Variants in ABCC1 observed in about 807,000 individuals in gnomAD.
The protein encoded by ABCC1 is ATP binding cassette subfamily C member 1 (ABCC1 blood group).
ABCC1 carries 83 observed loss-of-function variants against 172.9 expected under a neutral mutation model. The ratio of observed to expected loss-of-function variants is 0.48; its 90% CI spans 0.40 to 0.58. The LOEUF is 0.58. ABCC1 is among the 20% of genes least tolerant of loss of function. The probability of loss-of-function intolerance (pLI) is 0.00; values close to 1 mark genes in which losing one functional copy is unlikely to be tolerated. For synonymous variants in ABCC1, 937 were observed against 825.2 expected (o/e 1.14, Z -2.32); for missense variants, 1,817 against 2,002.7 (o/e 0.91, Z 1.77).
chr16:16,078,624 G>T (rs45596332), intron 15 of ABCC1, among the ~76,000 whole-genome samples: 2 of 152,010 alleles, frequency 1.3e-5, no homozygotes, highest in South Asian at 4.2e-4. Context: ...ACCTTTCTCC[G>T]GCTCTCCACA....
intron 26 of ABCC1, among the ~76,000 whole-genome samples, chr16:16,126,628 G>C (rs1238902283): frequency 6.6e-6 from 1 of 152,010 alleles, no homozygotes; most frequent in Non-Finnish European, 1.5e-5. Flanking sequence ...CAGGTGATCC[G>C]CCTGCCTCAG....
chr16:16,036,019 G>T (rs766710957), intron 6 of ABCC1, among the ~76,000 whole-genome samples: 1 of 151,924 alleles, frequency 6.6e-6, no homozygotes, highest in Admixed American at 6.6e-5. Context: ...AGCTACTCGG[G>T]AGGTTGAGAT....
intron 27 of ABCC1, among the ~76,000 whole-genome samples, chr16:16,133,275 T>C (rs2045774318): frequency 6.6e-6 from 1 of 152,236 alleles, no homozygotes; most frequent in African/African-American, 2.4e-5. Context: ...GAACTGTTCC[T>C]ACGTACCTCC....
intron 1 of ABCC1, among the ~76,000 whole-genome samples, chr16:15,975,210 C>G (rs1331170502): frequency 1.3e-5 from 2 of 152,216 alleles, no homozygotes; most frequent in Non-Finnish European, 2.9e-5. Context: ...ATGGCTAGTG[C>G]TACCTGCTAC....
At chr16:16,024,613 A>G (rs531423024) in intron 5 of ABCC1, among the ~76,000 whole-genome samples, 1 of 152,242 alleles carries the variant, frequency 6.6e-6, no homozygotes, top group Admixed American at 6.5e-5. Context: ...TGGCCTCCCA[A>G]AATGCTAGGA....
At chr16:16,134,016 T>C (rs2045811688) in intron 27 of ABCC1, among the ~76,000 whole-genome samples, 1 of 152,194 alleles carries the variant, frequency 6.6e-6, no homozygotes, top group Non-Finnish European at 1.5e-5. Flanking sequence ...AGGAAATGCC[T>C]GATTATTACT....
chr16:16,008,413 C>T (rs1013355545), intron 2 of ABCC1, among the ~76,000 whole-genome samples: 1 of 151,592 alleles, frequency 6.6e-6, no homozygotes, highest in Admixed American at 6.6e-5. Flanking sequence ...CTGTGTTGCC[C>T]GGGCTGGTCT....
chr16:16,112,600 A>T (rs2044666220), intron 22 of ABCC1, among the ~76,000 whole-genome samples: 1 of 152,160 alleles, frequency 6.6e-6, no homozygotes, highest in South Asian at 2.1e-4. Context: ...AGGCCCGGAG[A>T]GGTTGAGTCA....
In ABCC1 at chr16:16,136,464, T is replaced by C. The variant is rs757274889; in HGVS notation, c.4126-14T>C. The stretch of plus-strand genomic sequence containing the variant: ...CAGGTGTCACATGCCGTCCACTCTC[T>C]TCTCTCTGAACAGGACCCTGTTTTG... On this transcript the variant is annotated splice_polypyrimidine_tract_variant and intron_variant, in intron 28 of 30. Coordinates refer to ENST00000399410, the MANE Select transcript of ABCC1 (RefSeq NM_004996.4). The C allele has an allele frequency of 1.9e-6, 3 of 1,613,640 alleles. No homozygotes were observed. Among genetic ancestry groups the C allele is most frequent in the South Asian group, 1.1e-5 (1 of 91,024 alleles).
chr16:16,071,471 G>A (rs1467494078), intron 13 of ABCC1, among the ~76,000 whole-genome samples, 171 bp from the exon 14 acceptor site: 1 of 151,660 alleles, frequency 6.6e-6, no homozygotes, highest in Admixed American at 6.6e-5. Flanking sequence ...TTCTTTTTTT[G>A]TTTTGTTTAA....
At chr16:16,019,251 C>A (rs890236259) in intron 5 of ABCC1, among the ~76,000 whole-genome samples, 4 of 151,900 alleles carry the variant, frequency 2.6e-5, no homozygotes, top group Non-Finnish European at 5.9e-5. Context: ...TTACAGGCGC[C>A]CATCACCATG....
At chr16:16,105,047 G>C (rs1167600707) in intron 20 of ABCC1, among the ~76,000 whole-genome samples, 1 of 152,192 alleles carries the variant, frequency 6.6e-6, no homozygotes, top group Admixed American at 6.5e-5. Context: ...GCCGGCTCCA[G>C]CCTTGGCCAG....
chr16:16,082,408 T>C (rs1211411506), intron 16 of ABCC1, among the ~76,000 whole-genome samples: 1 of 152,202 alleles, frequency 6.6e-6, no homozygotes. Context: ...CATGGCAAGA[T>C]TTTGTTTCTA....
intron 1 of ABCC1, among the ~76,000 whole-genome samples, chr16:15,958,335 A>T (rs2046049119): frequency 6.6e-6 from 1 of 151,394 alleles, no homozygotes; most frequent in Admixed American, 6.6e-5. Context: ...TGAATTCCTG[A>T]ACTCAAGTGG....
intron 1 of ABCC1, among the ~76,000 whole-genome samples, chr16:15,983,552 C>CT (rs11416710): frequency 0.22 from 27,798 of 126,388 alleles, 4,330 homozygotes; most frequent in African/African-American, 0.43. Flanking sequence ...GTACACCACA[C>CT]TTTTTTTTTT....
chr16:16,102,238 G>A (rs938922552), intron 19 of ABCC1, among the ~76,000 whole-genome samples: 6 of 152,140 alleles, frequency 3.9e-5, no homozygotes, highest in Admixed American at 6.5e-5. Context: ...TGGGAATCAC[G>A]GGGCTATGCC....
chr16:16,079,950 ACAGGCATGC>A (rs1285239188), intron 16 of ABCC1, among the ~76,000 whole-genome samples: 3 of 151,760 alleles, frequency 2.0e-5, no homozygotes, highest in African/African-American at 7.3e-5. Flanking sequence ...AGCTAGGATT[ACAGGCATGC>A]GCCACCATGT....
chr16:15,962,794 G>C (rs773794506), intron 1 of ABCC1, among the ~76,000 whole-genome samples: 6 of 152,212 alleles, frequency 3.9e-5, no homozygotes, highest in Non-Finnish European at 7.3e-5. Flanking sequence ...TTACAATTAA[G>C]ATTACAATTC....
intron 24 of ABCC1, among the ~76,000 whole-genome samples, chr16:16,123,637 TAGAAG>T (rs201595460): frequency 0.012 from 1,850 of 151,078 alleles, 36 homozygotes; most frequent in African/African-American, 0.042. Flanking sequence ...GAAGAAATAA[TAGAAG>T]AGAAGAGAAG....
Sources: gnomAD v4.1 joint callset for allele counts (sites outside exome capture counted in the v4.1 genomes callset) on GRCh38, gnomAD v4.1.1 for gene constraint, MANE v1.5 for transcripts, NCBI Gene and HGNC (gene_info 2026-07-23, HGNC 2026-07-21) for gene names.